DDAH1: variants seen among roughly 807,000 people sequenced by gnomAD.
The protein encoded by DDAH1 is N(G),N(G)-dimethylarginine dimethylaminohydrolase 1.
Under a neutral mutation model 28.8 loss-of-function variants are expected in DDAH1, and 19 were observed. That is an observed-to-expected ratio of 0.66 (90% CI 0.46 to 0.97). The LOEUF (loss-of-function observed/expected upper bound fraction) is 0.97. Among genes scored for constraint, DDAH1 ranks in the 50% least tolerant of loss-of-function variants. DDAH1 has a pLI of 0.00. For missense variants in DDAH1, 326 were observed against 375.9 expected, an observed-to-expected ratio of 0.87 and a Z score of 1.10; for synonymous variants, 153 against 154.4, an observed-to-expected ratio of 0.99 and a Z score of 0.07.
intron 4 of DDAH1, among the ~76,000 whole-genome samples, chr1:85,349,555 A>G (rs1649071470): frequency 6.6e-6 from 1 of 152,202 alleles, no homozygotes; most frequent in Admixed American, 6.5e-5. Context: ...ACCATTTATT[A>G]TTAGCACTAT....
intron 4 of DDAH1, among the ~76,000 whole-genome samples, 155 bp from the exon 5 acceptor site, chr1:85,325,038 A>C (rs1354614177): frequency 2.0e-5 from 3 of 152,170 alleles, no homozygotes; most frequent in African/African-American, 7.2e-5. Flanking sequence ...TTAGAACCAG[A>C]AAAGGAAAAC....
chr1:85,417,480 G>A (rs898457410), intron 1 of DDAH1, among the ~76,000 whole-genome samples: 1 of 152,154 alleles, frequency 6.6e-6, no homozygotes, highest in Non-Finnish European at 1.5e-5. Context: ...CCCTTCCTGA[G>A]GGCAGGTTCT....
At chr1:85,565,297 A>G (rs1337590498) in intron 1 of DDAH1, among the ~76,000 whole-genome samples, 2 of 152,260 alleles carry the variant, frequency 1.3e-5, no homozygotes, top group Non-Finnish European at 2.9e-5. Flanking sequence ...TAATGCAATG[A>G]AAGAAAATAC....
chr1:85,335,716 C>G (rs1159470645), intron 4 of DDAH1, among the ~76,000 whole-genome samples: 3 of 151,840 alleles, frequency 2.0e-5, no homozygotes, highest in African/African-American at 7.3e-5. Context: ...CCAGCCAGCA[C>G]TTTGGGAGGT....
rs188127195 is a variant in DDAH1, at chr1:85,351,823, A to G, written c.404-244T>C. ...GAGCCATGGGGAAGGGTAAATGGGG[A>G]GTTATTGTTTAATGGATAGGAAGTT... On this transcript the variant is annotated intron_variant, in intron 2 of 5. Transcript: ENST00000284031. 1.3e-3 allele frequency among the ~76,000 whole-genome samples: 202 copies of G among 152,246 alleles called. 1 individual carries two copies. The highest frequency in any genetic ancestry group is 4.6e-3 in the African/African-American group (193 of 41,544).
chr1:85,521,509 T>C (rs1358322535), intron 1 of DDAH1: 1 of 636,930 alleles, frequency 1.6e-6, no homozygotes, highest in Non-Finnish European at 2.0e-6. Flanking sequence ...AAAACCTTCG[T>C]AAGAGAGCCT....
chr1:85,412,382 C>T (rs1430728051), intron 1 of DDAH1, among the ~76,000 whole-genome samples: 1 of 152,162 alleles, frequency 6.6e-6, no homozygotes, highest in Admixed American at 6.5e-5. Context: ...CTAGCTAGTC[C>T]CTCATGGCAA....
chr1:85,346,132 TAAG>T (rs1557495954), intron 4 of DDAH1, among the ~76,000 whole-genome samples: 1 of 152,160 alleles, frequency 6.6e-6, no homozygotes, highest in Admixed American at 6.5e-5. Context: ...CCTAAACATG[TAAG>T]AAGTAGATTC....
intron 4 of DDAH1, among the ~76,000 whole-genome samples, chr1:85,328,376 G>C (rs892120094): frequency 3.3e-5 from 5 of 152,226 alleles, no homozygotes; most frequent in African/African-American, 4.8e-5. Context: ...TGGGCAGATT[G>C]ACTTCTTCAT....
At chr1:85,543,337 C>T (rs573637715) in intron 1 of DDAH1, among the ~76,000 whole-genome samples, 58 of 152,286 alleles carry the variant, frequency 3.8e-4, no homozygotes, top group African/African-American at 1.0e-3. Flanking sequence ...GTACAACATG[C>T]ACGGAGAATG....
intron 2 of DDAH1, among the ~76,000 whole-genome samples, chr1:85,481,771 C>G (rs1345921623): frequency 1.3e-5 from 2 of 152,200 alleles, no homozygotes; most frequent in East Asian, 3.8e-4. Flanking sequence ...TATAACTCAT[C>G]CATGAAGGCT....
At chr1:85,512,706 G>A (rs1267773435) in intron 1 of DDAH1, among the ~76,000 whole-genome samples, 1 of 151,946 alleles carries the variant, frequency 6.6e-6, no homozygotes, top group Non-Finnish European at 1.5e-5. Flanking sequence ...TACACCATTA[G>A]CAGACAAACA....
intron 1 of DDAH1, among the ~76,000 whole-genome samples, chr1:85,514,862 AC>A (rs1457666216): frequency 1.3e-5 from 2 of 152,020 alleles, no homozygotes; most frequent in African/African-American, 2.4e-5. Context: ...CATGCTCAAC[AC>A]CTAGAATCAG....
chr1:85,325,031 G>C (rs1647287558), intron 4 of DDAH1, 148 bp from the exon 5 acceptor site: 1 of 891,156 alleles, frequency 1.1e-6, no homozygotes. Flanking sequence ...CAGTCACTTA[G>C]AACCAGAAAA....
At chr1:85,347,522 A>T (rs191098218) in intron 4 of DDAH1, among the ~76,000 whole-genome samples, 1 of 152,108 alleles carries the variant, frequency 6.6e-6, no homozygotes, top group African/African-American at 2.4e-5. Context: ...AAGAGCAAAA[A>T]ACCAAACACT....
intron 1 of DDAH1, among the ~76,000 whole-genome samples, chr1:85,415,005 CTTTTTTTTT>C (rs71727580): frequency 1.7e-5 from 1 of 57,566 alleles, no homozygotes; most frequent in Non-Finnish European, 3.2e-5. Context: ...TCAAGTGTTG[CTTTTTTTTT>C]TTTTTTTTTT....
At chr1:85,417,658 T>C (rs1652944026) in intron 1 of DDAH1, among the ~76,000 whole-genome samples, 1 of 152,210 alleles carries the variant, frequency 6.6e-6, no homozygotes, top group African/African-American at 2.4e-5. Flanking sequence ...TTAATACATA[T>C]AACTCTCCTT....
intron 1 of DDAH1, among the ~76,000 whole-genome samples, chr1:85,397,557 A>C (rs1651868913): frequency 6.6e-6 from 1 of 152,220 alleles, no homozygotes; most frequent in African/African-American, 2.4e-5. Flanking sequence ...AGCTATCTCT[A>C]GCTCACAATG....
At chr1:85,342,794 G>T (rs145023100) in intron 4 of DDAH1, among the ~76,000 whole-genome samples, 2 of 152,296 alleles carry the variant, frequency 1.3e-5, no homozygotes, top group East Asian at 3.9e-4. Context: ...CTTGAAAGCA[G>T]TGGCTCTCAA....
Sources: allele counts gnomAD v4.1 joint callset (sites outside exome capture counted in the v4.1 genomes callset), GRCh38; gene constraint gnomAD v4.1.1; transcripts MANE v1.5; gene names NCBI Gene and HGNC (gene_info 2026-07-23, HGNC 2026-07-21).